Variants in ROCK2 observed in about 807,000 individuals in gnomAD.
The protein encoded by ROCK2 is Rho associated coiled-coil containing protein kinase 2.
In ROCK2, 61 loss-of-function variants were observed where a neutral mutation model predicts 195.1. That is an observed-to-expected ratio of 0.31 (90% CI 0.25 to 0.39). ROCK2 has a LOEUF of 0.39. ROCK2 is among the 10% of genes least tolerant of loss of function. ROCK2 has a pLI of 1.00. For synonymous variants in ROCK2, 504 were observed against 545.5 expected (o/e 0.92, Z 1.06); for missense variants, 1,109 against 1,637.4 (o/e 0.68, Z 5.57).
chr2:11,332,891 C>T (rs968889536), intron 1 of ROCK2, among the ~76,000 whole-genome samples: 17 of 152,206 alleles, frequency 1.1e-4, no homozygotes, highest in African/African-American at 4.1e-4. Flanking sequence ...AAAAACATTA[C>T]GTTAGGTAAA....
intron 3 of ROCK2, among the ~76,000 whole-genome samples, chr2:11,281,466 T>C (rs1443873953): frequency 1.3e-5 from 2 of 152,150 alleles, no homozygotes; most frequent in East Asian, 1.9e-4. Flanking sequence ...TGATCATCTA[T>C]GTAGAGGATT....
chr2:11,217,242 G>A, intron 11 of ROCK2, 73 bp from the exon 12 acceptor site: 1 of 791,686 alleles, frequency 1.3e-6, no homozygotes, highest in Non-Finnish European at 2.3e-6. Flanking sequence ...AGAAAACAAT[G>A]ATAAGCTTAT....
chr2:11,241,945 A>C (rs1397042408), intron 4 of ROCK2, among the ~76,000 whole-genome samples: 3 of 152,202 alleles, frequency 2.0e-5, no homozygotes, highest in Admixed American at 1.3e-4. Context: ...GAAGTCAGCC[A>C]TCATAAATGG....
intron 5 of ROCK2, among the ~76,000 whole-genome samples, chr2:11,229,588 C>A (rs1664930819): frequency 6.9e-6 from 1 of 145,614 alleles, no homozygotes; most frequent in Admixed American, 6.8e-5. Flanking sequence ...ACATTAAAAC[C>A]AATCAGGATG....
intron 20 of ROCK2, among the ~76,000 whole-genome samples, chr2:11,202,776 G>A (rs371555142): frequency 5.9e-5 from 9 of 152,124 alleles, no homozygotes; most frequent in South Asian, 2.1e-4. Flanking sequence ...GATTACAGGC[G>A]TGAGCCACTG....
intron 1 of ROCK2, among the ~76,000 whole-genome samples, chr2:11,320,892 A>C (rs1238006855): frequency 6.6e-6 from 1 of 152,230 alleles, no homozygotes. Context: ...TTAACAGAAC[A>C]GAGTACCAGA....
At chr2:11,283,567 C>CAAAAA (rs1456842952) in intron 3 of ROCK2, among the ~76,000 whole-genome samples, 14 of 55,308 alleles carry the variant, frequency 2.5e-4, no homozygotes, top group Non-Finnish European at 4.5e-4. Flanking sequence ...GACTCCGTCT[C>CAAAAA]AAAAAAAAAA....
In ROCK2 at chr2:11,201,168, T is replaced by A; in HGVS notation, c.2724-25A>T. The A allele has an allele frequency of 6.3e-7, 1 of 1,581,022 alleles. No homozygotes were observed. Among genetic ancestry groups the A allele is most frequent in the South Asian group, 1.2e-5 (1 of 85,078 alleles). ...CCTACATTTTAGCAATATATCATTT[T>A]AATGGTTCAGTTTTCACTATGAAGT... On this transcript the variant is annotated intron_variant, in intron 22 of 32. Coordinates refer to ENST00000315872, the MANE Select transcript of ROCK2 (RefSeq NM_004850.5). This position sits in a 1 kb window ranked among gnomAD's most constrained non-coding sequence, Gnocchi z 4.6.
At chr2:11,312,563 T>C (rs1668070184) in intron 1 of ROCK2, among the ~76,000 whole-genome samples, 2 of 152,182 alleles carry the variant, frequency 1.3e-5, no homozygotes, top group African/African-American at 4.8e-5. Flanking sequence ...TTTATTGGAC[T>C]GGTTCTTTCA....
At chr2:11,329,564 G>A (rs777528179) in intron 1 of ROCK2, among the ~76,000 whole-genome samples, 1 of 151,168 alleles carries the variant, frequency 6.6e-6, no homozygotes, top group East Asian at 1.9e-4. Flanking sequence ...TTGTACTAGA[G>A]TTTCCTTTTA....
chr2:11,323,546 A>G (rs769966813), intron 1 of ROCK2, among the ~76,000 whole-genome samples: 81 of 152,226 alleles, frequency 5.3e-4, no homozygotes, highest in Non-Finnish European at 9.3e-4. Flanking sequence ...GTTTCTCATT[A>G]TGTTTGCAAA....
chr2:11,200,689 G>A (rs760883867), intron 23 of ROCK2, among the ~76,000 whole-genome samples: 6 of 151,616 alleles, frequency 4.0e-5, no homozygotes, highest in Admixed American at 1.3e-4. Flanking sequence ...GTAGTTTCAA[G>A]ATTCTTCTGA....
At chr2:11,343,854 C>A in intron 1 of ROCK2, 142 bp downstream of exon 1, 3 of 1,068,658 alleles carry the variant, frequency 2.8e-6, no homozygotes, top group Non-Finnish European at 3.9e-6. Flanking sequence ...ATCGTTTGGT[C>A]TCCGGCCCCG....
intron 3 of ROCK2, among the ~76,000 whole-genome samples, chr2:11,270,553 T>G (rs936384794): frequency 6.6e-6 from 1 of 152,226 alleles, no homozygotes; most frequent in African/African-American, 2.4e-5. Context: ...CAGTCTTCCC[T>G]CTACATGCTT....
intron 1 of ROCK2, chr2:11,309,011 G>C: frequency 1.3e-6 from 2 of 1,589,540 alleles, no homozygotes; most frequent in Non-Finnish European, 1.7e-6. Flanking sequence ...GCTCTGTGTA[G>C]CGTATTCACC....
At position 11,278,612 on chromosome 2, in the gene ROCK2, T is replaced by C. The variant is rs935132642; in HGVS notation, c.324+7927A>G. On this transcript the variant is annotated intron_variant, in intron 3 of 32. Transcript: ENST00000315872. ...AATTGCTGGATTGTAAAGGTAGTTT[T>C]ATTTTATTTTGGTTTCTTAAGACAG... is the stretch of plus-strand genomic sequence containing the variant. Among the ~76,000 whole-genome samples the C allele has an allele frequency of 3.3e-5, 5 of 152,312 alleles. No individual in the cohort carries two copies. The East Asian group carries it at 9.7e-4, about 29-fold the overall frequency.
chr2:11,192,301 T>C lies in ROCK2; in HGVS notation c.4010A>G (p.Gln1337Arg), dbSNP rs1663457221. 1 of 1,613,918 alleles carries C rather than the reference T, an allele frequency of 6.2e-7. No homozygotes were observed. Among genetic ancestry groups the C allele is most frequent in the Admixed American group, 1.7e-5 (1 of 59,984 alleles). ...LLLLANSTEE[Q>R]QKWVSRLVKK... Reference sequence around the variant, plus strand: ...CACCAACCGACTAACCCACTTCTGCTGCTCTTCTGTAGAATTTGCTAGTAA... The same window carrying C: ...CACCAACCGACTAACCCACTTCTGCCGCTCTTCTGTAGAATTTGCTAGTAA... The change falls in exon 32 of 33, where the codon CAG becomes CGG. Residue 1337 changes from glutamine to arginine, a missense_variant. This residue lies in a region of ROCK2 where 221 missense variants were observed against 355.1 expected (regional missense o/e 0.62). Coordinates refer to ENST00000315872, the MANE Select transcript of ROCK2 (RefSeq NM_004850.5). This position sits in a 1 kb window ranked among gnomAD's most constrained non-coding sequence, Gnocchi z 5.0.
At chr2:11,312,542 A>C (rs979012727) in intron 1 of ROCK2, among the ~76,000 whole-genome samples, 3 of 152,170 alleles carry the variant, frequency 2.0e-5, no homozygotes, top group African/African-American at 7.2e-5. Context: ...GAAATCAAAT[A>C]GTATGTGCTC....
intron 5 of ROCK2, among the ~76,000 whole-genome samples, chr2:11,230,988 A>G (rs1664987549): frequency 6.6e-6 from 1 of 152,190 alleles, no homozygotes; most frequent in Non-Finnish European, 1.5e-5. Context: ...GCCATAATAC[A>G]TCAAATACAT....
Sources: gnomAD v4.1 joint callset for allele counts (sites outside exome capture counted in the v4.1 genomes callset) on GRCh38, gnomAD v4.1.1 for gene constraint, gnomAD v4.1.1 regional missense constraint, Gnocchi (gnomAD v3.1) non-coding constraint, MANE v1.5 for transcripts, NCBI Gene and HGNC (gene_info 2026-07-23, HGNC 2026-07-21) for gene names.